LUZP2: variants seen among roughly 807,000 people sequenced by gnomAD.
LUZP2 encodes the protein leucine zipper protein 2.
A neutral mutation model predicts 51.6 loss-of-function variants in LUZP2; 52 were observed. The observed-to-expected ratio is 1.01, with a 90% confidence interval of 0.81 to 1.27. The LOEUF (loss-of-function observed/expected upper bound fraction) is 1.27. Among genes scored for constraint, LUZP2 ranks in the 50% most tolerant of loss-of-function variants. LUZP2 has a pLI of 0.00. For synonymous variants in LUZP2, 154 were observed against 137.3 expected (o/e 1.12, Z -0.85); for missense variants, 436 against 395.4 (o/e 1.10, Z -0.87).
intron 1 of LUZP2, among the ~76,000 whole-genome samples, chr11:24,585,838 A>G (rs1473065425): frequency 6.6e-6 from 1 of 152,188 alleles, no homozygotes; most frequent in Non-Finnish European, 1.5e-5. Flanking sequence ...AAACCAATGT[A>G]ATATGATTTC....
At chr11:24,575,985 A>G (rs1157317407) in intron 1 of LUZP2, among the ~76,000 whole-genome samples, 1 of 152,134 alleles carries the variant, frequency 6.6e-6, no homozygotes, top group African/African-American at 2.4e-5. Flanking sequence ...CTTCATCTTT[A>G]TTTTAGCACA....
intron 1 of LUZP2, among the ~76,000 whole-genome samples, chr11:24,648,209 T>A (rs1314585974): frequency 6.6e-6 from 1 of 151,964 alleles, no homozygotes; most frequent in Non-Finnish European, 1.5e-5. Flanking sequence ...TGCCTGGCTC[T>A]TAAATTTCTA....
At chr11:24,533,917 C>T (rs1234829094) in intron 1 of LUZP2, among the ~76,000 whole-genome samples, 2 of 151,228 alleles carry the variant, frequency 1.3e-5, no homozygotes, top group Non-Finnish European at 3.0e-5. Context: ...CTCAACATGA[C>T]CCCCGTATCT....
At chr11:24,878,771 GC>G (rs1468393509) in intron 5 of LUZP2, among the ~76,000 whole-genome samples, 1 of 151,002 alleles carries the variant, frequency 6.6e-6, no homozygotes, top group Admixed American at 6.6e-5. Flanking sequence ...CCCTCCTTTT[GC>G]CCCCCACACC....
At chr11:25,044,259 A>G (rs963532373) in intron 9 of LUZP2, among the ~76,000 whole-genome samples, 639 of 26,496 alleles carry the variant, frequency 0.024, 2 homozygotes, top group African/African-American at 0.19. Context: ...GTGTGTGTGT[A>G]TATATATATA....
rs139631212 is a variant in LUZP2 at position 24,831,495 on chromosome 11, T to C, written c.396+68187T>C. Among the ~76,000 whole-genome samples the C allele has an allele frequency of 2.3e-3, 344 of 152,262 alleles. 2 individuals carry two copies. The highest frequency in any genetic ancestry group is 7.9e-3 in the African/African-American group (329 of 41,546). The stretch of plus-strand genomic sequence containing the variant: ...GCTTTGAAAGAAGGTACAGGCAGTA[T>C]AGTACAAATAATCTTTAAAAAAGAA... On this transcript the variant is annotated intron_variant, in intron 5 of 11. Coordinates refer to ENST00000336930, the MANE Select transcript of LUZP2 (RefSeq NM_001009909.4).
At chr11:24,827,166 A>G (rs955089043) in intron 5 of LUZP2, among the ~76,000 whole-genome samples, 1 of 152,196 alleles carries the variant, frequency 6.6e-6, no homozygotes, top group Non-Finnish European at 1.5e-5. Context: ...GCAGTATGGC[A>G]TATTCAGTTG....
At chr11:24,654,285 T>G (rs1402534242) in intron 1 of LUZP2, among the ~76,000 whole-genome samples, 4 of 152,240 alleles carry the variant, frequency 2.6e-5, no homozygotes, top group African/African-American at 9.6e-5. Flanking sequence ...ATTTCATATT[T>G]TGCACTATTA....
intron 1 of LUZP2, among the ~76,000 whole-genome samples, chr11:24,674,752 CCTT>C (rs1430026178): frequency 6.6e-6 from 1 of 152,084 alleles, no homozygotes; most frequent in Non-Finnish European, 1.5e-5. Context: ...CTTTGTTTCT[CCTT>C]CTTCCCCTTT....
At chr11:25,018,782 A>T (rs1354672488) in intron 9 of LUZP2, among the ~76,000 whole-genome samples, 3 of 151,616 alleles carry the variant, frequency 2.0e-5, no homozygotes. Context: ...TAAGTTTTGT[A>T]TTTTTAGTAG....
chr11:24,783,902 C>T (rs373048510), intron 5 of LUZP2, among the ~76,000 whole-genome samples: 28 of 151,980 alleles, frequency 1.8e-4, no homozygotes, highest in African/African-American at 6.7e-4. Context: ...CAAGGTCTAC[C>T]TTTGTTGCTG....
In LUZP2 at chr11:24,677,110, A is replaced by G. The variant is rs185269128; in HGVS notation, c.63-52059A>G. On this transcript the variant is annotated intron_variant, in intron 1 of 11. Coordinates refer to ENST00000336930, the MANE Select transcript of LUZP2 (RefSeq NM_001009909.4). ...CTGCCTCCTAATGTATATATCAAATATATATCATTTTTTGTCTATTTCCAC... is the reference window on the plus strand; with the variant it reads ...CTGCCTCCTAATGTATATATCAAATGTATATCATTTTTTGTCTATTTCCAC... Among the ~76,000 whole-genome samples the G allele has an allele frequency of 6.6e-4, 100 of 152,154 alleles. 2 individuals carry two copies. The South Asian group carries it at 0.014, about 21-fold the overall frequency.
chr11:24,970,118 A>G (rs1855701586), intron 7 of LUZP2, among the ~76,000 whole-genome samples: 1 of 152,164 alleles, frequency 6.6e-6, no homozygotes, highest in South Asian at 2.1e-4. Context: ...TGGTAGGTTT[A>G]CTATCTTTGA....
intron 1 of LUZP2, among the ~76,000 whole-genome samples, chr11:24,589,150 T>A (rs1565010733): frequency 2.0e-5 from 3 of 152,158 alleles, no homozygotes. Context: ...TTTCTGGGAA[T>A]GTTCTCTAGC....
chr11:25,044,222 T>A (rs1326564198), intron 9 of LUZP2, among the ~76,000 whole-genome samples: 5 of 95,150 alleles, frequency 5.3e-5, no homozygotes, highest in African/African-American at 1.5e-4. Context: ...TATATATATG[T>A]GTGTGTATGT....
intron 5 of LUZP2, among the ~76,000 whole-genome samples, chr11:24,763,931 C>T (rs546776278): frequency 4.5e-4 from 69 of 152,212 alleles, no homozygotes; most frequent in African/African-American, 1.5e-3. Context: ...GACTAATTCA[C>T]GATAAGTCTT....
intron 1 of LUZP2, among the ~76,000 whole-genome samples, chr11:24,572,930 T>C (rs904755955): frequency 2.6e-5 from 4 of 152,052 alleles, no homozygotes; most frequent in African/African-American, 7.2e-5. Flanking sequence ...ATGCAACTGA[T>C]CTTGAGAAAT....
At chr11:25,026,609 G>C (rs1438100149) in intron 9 of LUZP2, among the ~76,000 whole-genome samples, 1 of 151,854 alleles carries the variant, frequency 6.6e-6, no homozygotes. Flanking sequence ...TATTTGTGTG[G>C]CCTCTATTAT....
chr11:25,070,148 T>A (rs1590896201), intron 10 of LUZP2, among the ~76,000 whole-genome samples: 1 of 151,578 alleles, frequency 6.6e-6, no homozygotes. Context: ...TTTTAAGAAA[T>A]GAAAGAGCCA....
Sources: allele counts gnomAD v4.1 joint callset (sites outside exome capture counted in the v4.1 genomes callset), GRCh38; gene constraint gnomAD v4.1.1; transcripts MANE v1.5; gene names NCBI Gene and HGNC (gene_info 2026-07-23, HGNC 2026-07-21).